The following ZNF836 variants were observed in gnomAD, a reference collection of about 807,000 sequenced individuals.
ZNF836 encodes the protein zinc finger protein 836.
Under a neutral mutation model 7.4 loss-of-function variants are expected in ZNF836, and 12 were observed. The observed-to-expected ratio is 1.61, with a 90% CI of 1.03 to 2.61. The LOEUF (loss-of-function observed/expected upper bound fraction) is 2.61, where lower values mean the gene tolerates loss of function less well. ZNF836 is among the 30% of genes most tolerant of loss of function. The pLI is 0.00. For missense variants in ZNF836, 998 were observed against 1,126.2 expected (o/e 0.89, Z 1.63); for synonymous variants, 365 against 382.6 (o/e 0.95, Z 0.54).
chr19:52,154,975 G>A lies in ZNF836; in HGVS notation c.2708C>T (p.Ser903Leu). The A allele has an allele frequency of 6.2e-7, 1 of 1,609,760 alleles. No individual in the cohort carries two copies. Among genetic ancestry groups the A allele is most frequent in the Non-Finnish European group, 8.5e-7 (1 of 1,177,460 alleles). ...TTTTGTCTGATGTTTAGTGAGGCCTGAGCGACTAATGAAAGATTTGCCACA... is the reference window on the plus strand; with the variant it reads ...TTTTGTCTGATGTTTAGTGAGGCCTAAGCGACTAATGAAAGATTTGCCACA... ...NECGKSFISR[S>L]GLTKHQTKHT... is the part of the protein sequence containing the mutation. The change falls in exon 5 of 5, where the codon TCA (serine) becomes TTA (leucine). Residue 903 changes from serine to leucine, a missense_variant. Transcript: ENST00000682614.
intron 2 of ZNF836, among the ~76,000 whole-genome samples, chr19:52,169,344 C>A (rs978672898): frequency 2.0e-5 from 3 of 152,160 alleles, no homozygotes; most frequent in Non-Finnish European, 4.4e-5. Context: ...CTTTAGGAGG[C>A]CGAGGCCGGC....
chr19:52,164,660 G>A (rs1299639302), intron 3 of ZNF836, among the ~76,000 whole-genome samples: 3 of 152,142 alleles, frequency 2.0e-5, no homozygotes, highest in Admixed American at 1.3e-4. Context: ...AGAGAAAAAT[G>A]AAGAGAGCAT....
rs760348478 is a variant in ZNF836 at position 52,154,855 on chromosome 19, A to G, written c.*17T>C. The G allele has an allele frequency of 1.3e-6, 2 of 1,490,130 alleles. No individual in the cohort carries two copies. The highest frequency in any genetic ancestry group is 1.8e-6 in the Non-Finnish European group (2 of 1,119,964). 92.3% of individuals were successfully genotyped at this position (1,490,130 alleles called of 1,614,324 possible). On this transcript the variant is annotated 3_prime_UTR_variant, in exon 5 of 5. Coordinates refer to ENST00000682614, the MANE Select transcript of ZNF836 (RefSeq NM_001102657.3). ...GACGGAAGTGACAAATATACAAGCT[A>G]TATCAATAAGTATGAATTATTTGAA... is the stretch of plus-strand genomic sequence containing the variant.
intron 3 of ZNF836, among the ~76,000 whole-genome samples, chr19:52,166,636 C>A (rs569185995): frequency 4.2e-4 from 62 of 148,740 alleles, no homozygotes; most frequent in Non-Finnish European, 6.7e-4. Context: ...TGCAGTGGCA[C>A]GATCTCGGCT....
At chr19:52,164,470 A>C (rs2089244036) in intron 3 of ZNF836, among the ~76,000 whole-genome samples, 1 of 121,156 alleles carries the variant, frequency 8.3e-6, no homozygotes, top group Admixed American at 8.1e-5. Context: ...GGAAGGAAGG[A>C]AGGAAGGAAA....
In ZNF836 at chr19:52,155,282, T is replaced by C; in HGVS notation, c.2401A>G (p.Thr801Ala). ...TTACACACGTAAGGTTTCTCTCCAG[T>C]ATGAATACTCCGATGACGTGCTAGT... ...STLARHRSIH[T>A]GEKPYVCNEC... is the part of the protein sequence containing the mutation. The change falls in exon 5 of 5, where the codon ACT becomes GCT. Residue 801 changes from threonine (T) to alanine (A), a missense_variant. Physicochemically the swap from Thr to Ala is moderately conservative, Grantham distance 58. Transcript: ENST00000682614. The C allele has an allele frequency of 6.2e-7, 1 of 1,613,884 alleles. No homozygotes were observed. The highest frequency in any genetic ancestry group is 8.5e-7 in the Non-Finnish European group (1 of 1,179,818).
intron 1 of ZNF836, among the ~76,000 whole-genome samples, chr19:52,170,645 C>T (rs1290177545): frequency 6.6e-6 from 1 of 152,148 alleles, no homozygotes; most frequent in Non-Finnish European, 1.5e-5. Flanking sequence ...CCTCCCCCTG[C>T]TTCTTTCTCC....
At chr19:52,163,842 G>C (rs1453513517) in intron 3 of ZNF836, among the ~76,000 whole-genome samples, 1 of 152,030 alleles carries the variant, frequency 6.6e-6, no homozygotes, top group African/African-American at 2.4e-5. Context: ...AGGTAACAGG[G>C]GAGCTTCTGA....
chr19:52,167,033 T>A (rs2089271209), intron 3 of ZNF836, among the ~76,000 whole-genome samples: 1 of 151,014 alleles, frequency 6.6e-6, no homozygotes, highest in African/African-American at 2.4e-5. Flanking sequence ...AACAAAGGAG[T>A]TCTGCTCCTA....
chr19:52,163,926 A>G (rs2089236285), intron 3 of ZNF836, among the ~76,000 whole-genome samples: 1 of 151,944 alleles, frequency 6.6e-6, no homozygotes, highest in Non-Finnish European at 1.5e-5. Context: ...CCCAGTCAGA[A>G]AATTATAATT....
At position 52,156,222 on chromosome 19, in the gene ZNF836, C is replaced by T. The variant is rs781185246; in HGVS notation, c.1461G>A (p.Gly487=). Residue 487 remains glycine, a synonymous_variant, in exon 5 of 5, where the codon GGG becomes GGA. Coordinates refer to ENST00000682614, the MANE Select transcript of ZNF836 (RefSeq NM_001102657.3). ...TCTCTCCAGTATGAATTCTCCGATG[C>T]CCCACAAGATGTGAAGTCTGACTGA... is the stretch of plus-strand genomic sequence containing the variant. ...KVFSQTSHLV[G]HRRIHTGEKP... The T allele has an allele frequency of 2.2e-5, 35 of 1,613,640 alleles. No homozygotes were observed. Among genetic ancestry groups the T allele is most frequent in the Non-Finnish European group, 2.5e-5 (30 of 1,179,916 alleles).
At position 52,169,736 on chromosome 19, in the gene ZNF836, T is replaced by C. The variant is rs1213781884; in HGVS notation, c.-169A>G. On this transcript the variant is annotated 5_prime_UTR_variant, in exon 2 of 5. Coordinates refer to ENST00000682614, the MANE Select transcript of ZNF836 (RefSeq NM_001102657.3). ...TGAGCCCAGGAGGTTGAGGCTGCAG[T>C]GAGCGGAGATCATGGCACTGTACTC... is the stretch of plus-strand genomic sequence containing the variant. 1 of 148,864 alleles carries C rather than the reference T, an allele frequency of 6.7e-6. No homozygotes were observed. The highest frequency in any genetic ancestry group is 1.5e-5 in the Non-Finnish European group (1 of 67,730). The allele number at this position is 148,864 out of a possible 1,614,324, so 9.2% of individuals were successfully genotyped here. A position where few individuals can be genotyped will look rare whatever the true frequency, so the allele number is the denominator to read the frequency against.
In ZNF836 at chr19:52,159,499, A is replaced by G. The variant is rs1248772225; in HGVS notation, c.142+966T>C. On this transcript the variant is annotated intron_variant, in intron 4 of 4. Coordinates refer to ENST00000682614, the MANE Select transcript of ZNF836 (RefSeq NM_001102657.3). ...ATAACTGGTCACTCCAAATACCAAG[A>G]GTGTGGAAAGAAATACTTCAAGAGC... 2.6e-5 allele frequency among the ~76,000 whole-genome samples: 4 copies of G among 152,316 alleles called. No homozygotes were observed. The East Asian group carries it at 7.7e-4, about 29-fold the overall frequency.
chr19:52,155,896 C>G lies in ZNF836; in HGVS notation c.1787G>C (p.Cys596Ser). The G allele has an allele frequency of 6.2e-7, 1 of 1,613,930 alleles. No homozygotes were observed. The highest frequency in any genetic ancestry group is 8.5e-7 in the Non-Finnish European group (1 of 1,179,886). The change falls in exon 5 of 5, where the codon TGC becomes TCC. Residue 596 changes from cysteine to serine, a missense_variant. Transcript: ENST00000682614. ...ATGAATTCTTAGATGACGTGCTAGGCATGAGTAGTTCCTGAAGACTGTGCC... is the reference window on the plus strand; with the variant it reads ...ATGAATTCTTAGATGACGTGCTAGGGATGAGTAGTTCCTGAAGACTGTGCC... The part of the protein sequence containing the change: ...ECGTVFRNYS[C>S]LARHLRIHTG...
rs1247094625 is a variant in ZNF836 at position 52,156,329 on chromosome 19, T to C, written c.1354A>G (p.Ser452Gly). Residue 452 changes from serine to glycine, a missense_variant, in exon 5 of 5, where the codon AGT becomes GGT. Physicochemically the swap from Ser to Gly is moderately conservative, Grantham distance 56 (BLOSUM62 0). Coordinates refer to ENST00000682614, the MANE Select transcript of ZNF836 (RefSeq NM_001102657.3). ...TGCCTTGCAAGTTGTGAACGTTGAC[T>C]GAAGACCTTGTCGCATACATCACAT... is the stretch of plus-strand genomic sequence containing the variant. ...YTCDVCDKVF[S>G]QRSQLARHQR... 4 of 1,614,110 alleles carry C rather than the reference T, an allele frequency of 2.5e-6. No homozygotes were observed. Among genetic ancestry groups the C allele is most frequent in the Non-Finnish European group, 3.4e-6 (4 of 1,180,044 alleles).
Position 52,155,988 on chromosome 19 carries a change from G to A in ZNF836, c.1695C>T (p.Tyr565=). ...TCTTATGAATTGAAAGGTTTCCACT[G>A]TAATTGAAGACCTTGCCACACACAT... The part of the protein sequence containing the change: ...KCNVCGKVFN[Y]SGNLSIHKRI... The change falls in exon 5 of 5, where the codon TAC becomes TAT. Residue 565 remains tyrosine (Y), a synonymous_variant. Coordinates refer to ENST00000682614, the MANE Select transcript of ZNF836 (RefSeq NM_001102657.3). 6.2e-7 allele frequency: 1 copy of A among 1,613,930 alleles called. No individual in the cohort carries two copies. The highest frequency in any genetic ancestry group is 8.5e-7 in the Non-Finnish European group (1 of 1,179,870).
chr19:52,158,268 T>C (rs12611170), intron 4 of ZNF836, among the ~76,000 whole-genome samples: 22,483 of 152,144 alleles, frequency 0.15, 1,980 homozygotes, highest in South Asian at 0.36. Flanking sequence ...TTATTGTGCA[T>C]GAATAAATGT....
chr19:52,168,396 T>C (rs1339433205), intron 2 of ZNF836, among the ~76,000 whole-genome samples: 1 of 152,154 alleles, frequency 6.6e-6, no homozygotes, highest in Admixed American at 6.5e-5. Context: ...GAGAGCATCC[T>C]GGCCAACACA....
intron 3 of ZNF836, among the ~76,000 whole-genome samples, chr19:52,166,923 T>G (rs986127060): frequency 6.6e-6 from 1 of 151,738 alleles, no homozygotes; most frequent in African/African-American, 2.4e-5. Flanking sequence ...GCTTGGACTT[T>G]TACTGCAAAC....
Sources: allele counts gnomAD v4.1 joint callset (sites outside exome capture counted in the v4.1 genomes callset), GRCh38; gene constraint gnomAD v4.1.1; transcripts MANE v1.5; gene names NCBI Gene and HGNC (gene_info 2026-07-23, HGNC 2026-07-21).